ODF2L: variants seen among roughly 807,000 people sequenced by gnomAD.
The protein encoded by ODF2L is protein BCAP.
In ODF2L, 76 loss-of-function variants were observed where a neutral mutation model predicts 86.3. The observed-to-expected ratio is 0.88, with a 90% CI of 0.73 to 1.07. The LOEUF is 1.07. ODF2L is among the 50% of genes least tolerant of loss of function. The pLI, the probability that ODF2L is intolerant of heterozygous loss-of-function variation, is 0.00. For missense variants in ODF2L, 748 were observed against 717.4 expected, an observed-to-expected ratio of 1.04 and a Z score of -0.49; for synonymous variants, 241 against 231.3, an observed-to-expected ratio of 1.04 and a Z score of -0.38.
At chr1:86,383,160 G>T (rs1276528317) in exon 5 of ODF2L, 13 of 1,580,934 alleles carry the variant, frequency 8.2e-6, no homozygotes, top group Non-Finnish European at 1.1e-5. Flanking sequence ...TTATCAGTTA[G>T]ATTTTCTAGC....
rs373855032 is a variant in ODF2L, at chr1:86,360,511, T to C, written c.1169A>G (p.Glu390Gly). 33 of 1,594,812 alleles carry C rather than the reference T, an allele frequency of 2.1e-5. No individual in the cohort carries two copies. The highest frequency in any genetic ancestry group is 1.3e-4 in the East Asian group (6 of 44,514). ...GAGTTCATTTTCAACAGATACAACT[T>C]CATCCTTCAAAGCAGCAAGTGTAGT... The change falls in exon 12 of 18, where the codon GAA (glutamate) becomes GGA (glycine). Residue 390 changes from glutamate to glycine, a missense_variant. Physicochemically the swap from Glu to Gly is moderately conservative, Grantham distance 98. Coordinates refer to ENST00000317336, the Ensembl canonical transcript of ODF2L.
chr1:86,371,104 T>C, exon 10 of ODF2L: 1 of 1,549,726 alleles, frequency 6.5e-7, no homozygotes, highest in Non-Finnish European at 8.8e-7. Context: ...CATGAATTTT[T>C]TCCATGGTCT....
intron 1 of ODF2L, among the ~76,000 whole-genome samples, chr1:86,394,281 T>TC (rs2101615446): frequency 6.6e-6 from 1 of 152,102 alleles, no homozygotes; most frequent in Non-Finnish European, 1.5e-5. Context: ...CTAGGCGTGG[T>TC]GGTGGGCACC....
intron 1 of ODF2L, among the ~76,000 whole-genome samples, chr1:86,395,436 G>T (rs1434696307): frequency 2.6e-5 from 4 of 152,108 alleles, no homozygotes; most frequent in Non-Finnish European, 5.9e-5. Flanking sequence ...ATCCAGGAAG[G>T]TTCAGTGACC....
chr1:86,351,799 G>A, exon 18 of ODF2L: 1 of 610,052 alleles, frequency 1.6e-6, no homozygotes, highest in Non-Finnish European at 2.1e-6. Context: ...CCTTGAAGAG[G>A]TCCTTCACAT....
At chr1:86,377,920 T>C (rs1660290933) in intron 7 of ODF2L, among the ~76,000 whole-genome samples, 1 of 152,254 alleles carries the variant, frequency 6.6e-6, no homozygotes, top group Non-Finnish European at 1.5e-5. Flanking sequence ...TGCCAATTTA[T>C]GCAGACCACT....
At chr1:86,363,090 A>G (rs1659161722) in intron 11 of ODF2L, among the ~76,000 whole-genome samples, 1 of 152,196 alleles carries the variant, frequency 6.6e-6, no homozygotes, top group Admixed American at 6.5e-5. Context: ...CAGGATAATG[A>G]CAGTGGTGCT....
rs1347222823 is a variant in ODF2L at position 86,393,285 on chromosome 1, C to T, written c.-60+2748G>A. Among the ~76,000 whole-genome samples, 3 of 151,920 alleles carry T rather than the reference C, an allele frequency of 2.0e-5. No individual in the cohort carries two copies. The East Asian group carries it at 5.8e-4, about 29-fold the overall frequency. On this transcript the variant is annotated intron_variant, in intron 1 of 17. Coordinates refer to ENST00000317336, the Ensembl canonical transcript of ODF2L. The stretch of plus-strand genomic sequence containing the variant: ...CTTCTACTGAAAAAAGTCACCATGG[C>T]ATATTCAGCAAGGAACACAAAGTAG...
chr1:86,391,182 A>T (rs1159404467), intron 1 of ODF2L, among the ~76,000 whole-genome samples: 2 of 152,244 alleles, frequency 1.3e-5, no homozygotes, highest in Non-Finnish European at 2.9e-5. Context: ...GCTGAAAGAA[A>T]TCATAGATAA....
chr1:86,388,187 A>T (rs1661076294), intron 1 of ODF2L, among the ~76,000 whole-genome samples: 1 of 152,128 alleles, frequency 6.6e-6, no homozygotes, highest in Non-Finnish European at 1.5e-5. Context: ...GAATGCTGCA[A>T]ATATGCAACA....
intron 12 of ODF2L, among the ~76,000 whole-genome samples, chr1:86,359,648 T>G (rs1490646229): frequency 6.6e-6 from 1 of 151,038 alleles, no homozygotes; most frequent in Admixed American, 6.6e-5. Flanking sequence ...CTCAGCCTCC[T>G]GAATAGCTGA....
chr1:86,377,159 A>C (rs1660231277), intron 7 of ODF2L, among the ~76,000 whole-genome samples: 1 of 152,148 alleles, frequency 6.6e-6, no homozygotes, highest in South Asian at 2.1e-4. Flanking sequence ...GGGCTACAGG[A>C]CCCATGCAAG....
In ODF2L at chr1:86,356,561, A is replaced by C; in HGVS notation, c.1401T>G (p.Arg467=). The C allele has an allele frequency of 1.9e-6, 3 of 1,614,130 alleles. No homozygotes were observed. The African/African-American group carries it at 4.0e-5, about 22-fold the overall frequency. Residue 467 remains arginine, a synonymous_variant, in exon 14 of 18, where the codon CGT becomes CGG. Coordinates refer to ENST00000317336, the Ensembl canonical transcript of ODF2L. ...CCGCCGCCGTCAAGGAATCGCAGAC[A>C]CGCTCTAACTCCTTCAGATGAGACT...
In ODF2L at chr1:86,385,535, C is replaced by T. The variant is rs928878952; in HGVS notation, c.169G>A (p.Ala57Thr). The T allele has an allele frequency of 4.4e-6, 7 of 1,608,964 alleles. No homozygotes were observed. Among genetic ancestry groups the T allele is most frequent in the Non-Finnish European group, 5.1e-6 (6 of 1,175,610 alleles). The change falls in exon 3 of 18, where the codon GCG becomes ACG. Residue 57 changes from alanine to threonine, a missense_variant. Coordinates refer to ENST00000317336, the Ensembl canonical transcript of ODF2L. ...TCTACAGAATGAGTTACCAACTCCG[C>T]TTCCTTAAGTGTTGCTTCCAATTCA...
At chr1:86,354,975 C>T (rs1418471899) in intron 14 of ODF2L, 116 bp from the exon 14 acceptor site, 1 of 606,692 alleles carries the variant, frequency 1.6e-6, no homozygotes, top group South Asian at 2.1e-5. Flanking sequence ...AATGTTACTA[C>T]TCTTACACAG....
chr1:86,372,789 T>C (rs1659890711), intron 8 of ODF2L, among the ~76,000 whole-genome samples: 1 of 152,200 alleles, frequency 6.6e-6, no homozygotes, highest in Admixed American at 6.5e-5. Context: ...CATGGAATAC[T>C]ACTCAGCCAT....
exon 18 of ODF2L, chr1:86,352,148 G>T: frequency 2.0e-6 from 3 of 1,494,352 alleles, no homozygotes; most frequent in South Asian, 1.4e-5. Context: ...GAATCTTTTA[G>T]GTTTTCAACT....
chr1:86,362,351 T>C (rs1191364660), intron 11 of ODF2L, among the ~76,000 whole-genome samples: 2 of 151,922 alleles, frequency 1.3e-5, no homozygotes, highest in African/African-American at 4.8e-5. Flanking sequence ...TGGAGGGCAA[T>C]AGTGTAATCA....
chr1:86,348,842 G>A (rs749360046), downstream of ODF2L: 4 of 1,557,836 alleles, frequency 2.6e-6, no homozygotes, highest in African/African-American at 1.4e-5. Flanking sequence ...AGACTATTTT[G>A]TACTTCTTTC....
Sources: gnomAD v4.1 joint callset for allele counts (sites outside exome capture counted in the v4.1 genomes callset) on GRCh38, gnomAD v4.1.1 for gene constraint, MANE v1.5 for transcripts, NCBI Gene and HGNC (gene_info 2026-07-23, HGNC 2026-07-21) for gene names.